The following PHF7 variants were observed in gnomAD, a reference collection of about 807,000 sequenced individuals.
The protein encoded by PHF7 is PHD finger protein 7, also known as E3 ubiquitin-protein ligase PHF7.
In PHF7, 24 loss-of-function variants were observed where a neutral mutation model predicts 47.5. That is an observed-to-expected ratio of 0.51 (90% confidence interval 0.37 to 0.71). The LOEUF (loss-of-function observed/expected upper bound fraction) is 0.71. Ranked by LOEUF, PHF7 falls within the 30% of genes least tolerant of loss-of-function variation. The pLI, the probability that PHF7 is intolerant of heterozygous loss-of-function variation, is 0.00. For missense variants in PHF7, 361 were observed against 456.8 expected, an observed-to-expected ratio of 0.79 and a Z score of 1.91; for synonymous variants, 156 against 153.8, an observed-to-expected ratio of 1.01 and a Z score of -0.11.
Position 52,423,355 on chromosome 3 carries a change from T to C in PHF7, c.*38T>C, listed in dbSNP as rs370441654. On this transcript the variant is annotated 3_prime_UTR_variant, in exon 11 of 11. Transcript: ENST00000327906. ...AGCTGCTGTCCCACACAATAGGGTA[T>C]GAAGCTGCGCTCCTCCATCGGGTTT... 1.5e-6 allele frequency: 2 copies of C among 1,350,680 alleles called. No individual in the cohort carries two copies. The highest frequency in any genetic ancestry group is 1.9e-4 in the Middle Eastern group (1 of 5,396). 83.7% of individuals were successfully genotyped at this position (1,350,680 alleles called of 1,614,324 possible).
At chr3:52,417,224 A>G (rs1406203960) in intron 4 of PHF7, among the ~76,000 whole-genome samples, 1 of 152,204 alleles carries the variant, frequency 6.6e-6, no homozygotes, top group African/African-American at 2.4e-5. Flanking sequence ...AGTATATTGA[A>G]ATTCAGTATT....
At chr3:52,412,778 A>T in intron 1 of PHF7, 33 bp from the exon 2 acceptor site, 2 of 961,088 alleles carry the variant, frequency 2.1e-6, no homozygotes, top group Non-Finnish European at 3.2e-6. Flanking sequence ...ATACAGAATT[A>T]AATTGCTTAC....
At chr3:52,421,820 T>C (rs1251756505) in intron 8 of PHF7, 66 bp downstream of exon 8, 2 of 815,664 alleles carry the variant, frequency 2.5e-6, no homozygotes, top group African/African-American at 3.5e-5. Context: ...AGAGAGGAGG[T>C]GAGTGAGAGG....
In PHF7 at chr3:52,423,633, T is replaced by G. The variant is rs908106440; in HGVS notation, c.*316T>G. The G allele has an allele frequency of 4.0e-6, 1 of 251,874 alleles. No individual in the cohort carries two copies. The highest frequency in any genetic ancestry group is 2.2e-5 in the African/African-American group (1 of 44,964). The allele number at this position is 251,874 out of a possible 1,614,324, so 15.6% of individuals were successfully genotyped here. A position where few individuals can be genotyped will look rare whatever the true frequency, so the allele number is the denominator to read the frequency against. On this transcript the variant is annotated 3_prime_UTR_variant, in exon 11 of 11. Transcript: ENST00000327906. ...GTTTGTTGTTATGCAAATAAAGGTT[T>G]TCTCTCCATTGGTGTCTCCTTATAA...
At chr3:52,413,042 A>G in intron 2 of PHF7, 122 bp downstream of exon 2, 1 of 752,928 alleles carries the variant, frequency 1.3e-6, no homozygotes, top group Non-Finnish European at 2.3e-6. Context: ...GGAAGCACAC[A>G]CGGAGCTGGG....
Position 52,423,329 on chromosome 3 carries a change from T to C in PHF7, c.*12T>C. 2.6e-6 allele frequency: 4 copies of C among 1,550,790 alleles called. No individual in the cohort carries two copies. In the East Asian group the frequency reaches 6.7e-5, roughly 26 times the overall value. ...AAAAATCCAAGTAACACCTTCTGAG[T>C]AGCTGCTGTCCCACACAATAGGGTA... On this transcript the variant is annotated 3_prime_UTR_variant, in exon 11 of 11. Transcript: ENST00000327906.
chr3:52,414,570 G>A lies in PHF7; in HGVS notation c.169G>A (p.Val57Met), dbSNP rs370842503. 6.8e-6 allele frequency: 11 copies of A among 1,609,458 alleles called. No individual in the cohort carries two copies. The highest frequency in any genetic ancestry group is 2.2e-5 in the East Asian group (1 of 44,740). ...GEFLQKDNIS[V>M]HYFCLILSSK... Reference sequence around the variant, plus strand: ...ATTTCTTCAGAAAGACAATATCAGCGTGCATTATTTCTGTCTTGTGAGTAT... The same window carrying A: ...ATTTCTTCAGAAAGACAATATCAGCATGCATTATTTCTGTCTTGTGAGTAT... Residue 57 changes from valine (V) to methionine (M), a missense_variant, in exon 4 of 11, where the codon GTG becomes ATG. Physicochemically the swap from Val to Met is conservative, Grantham distance 21. Transcript: ENST00000327906.
At chr3:52,419,025 G>A (rs900734242) in intron 4 of PHF7, among the ~76,000 whole-genome samples, 4 of 151,960 alleles carry the variant, frequency 2.6e-5, no homozygotes, top group Admixed American at 6.6e-5. Context: ...GGCTGGTCTC[G>A]AACTCCTGAC....
chr3:52,422,654 C>T, intron 9 of PHF7, 106 bp from the exon 10 acceptor site: 1 of 1,196,226 alleles, frequency 8.4e-7, no homozygotes, highest in Non-Finnish European at 1.2e-6. Flanking sequence ...ATACATTCAT[C>T]TTGGGTAAAA....
At chr3:52,421,830 G>A (rs137945094) in intron 8 of PHF7, 76 bp downstream of exon 8, 1 of 775,678 alleles carries the variant, frequency 1.3e-6, no homozygotes, top group African/African-American at 1.7e-5. Flanking sequence ...TGAGTGAGAG[G>A]ATAGTTCAGA....
chr3:52,417,123 A>G (rs1388592877), intron 4 of PHF7, among the ~76,000 whole-genome samples: 2 of 152,232 alleles, frequency 1.3e-5, no homozygotes, highest in Non-Finnish European at 2.9e-5. Flanking sequence ...AATTGACCAT[A>G]TATCTGTGGA....
At chr3:52,422,072 C>T (rs925842173) in intron 8 of PHF7, 150 bp from the exon 9 acceptor site, 4 of 696,644 alleles carry the variant, frequency 5.7e-6, no homozygotes, top group South Asian at 4.8e-5. Flanking sequence ...CTCCCACTGC[C>T]AGGCCACTTG....
intron 1 of PHF7, 122 bp from the exon 2 acceptor site, chr3:52,412,689 A>G: frequency 1.7e-6 from 1 of 604,772 alleles, no homozygotes; most frequent in South Asian, 2.0e-5. Context: ...AAGTACCTAG[A>G]ACAGTCCCTT....
intron 9 of PHF7, 170 bp downstream of exon 9, chr3:52,422,508 A>T: frequency 1.5e-6 from 1 of 651,640 alleles, no homozygotes; most frequent in South Asian, 1.8e-5. Flanking sequence ...GCACGTGAAC[A>T]CGTCTCCCCT....
At chr3:52,416,445 A>G (rs1369298956) in intron 4 of PHF7, among the ~76,000 whole-genome samples, 1 of 150,484 alleles carries the variant, frequency 6.6e-6, no homozygotes, top group Non-Finnish European at 1.5e-5. Context: ...CGGCCTCCCA[A>G]AGTGCTGGGA....
Position 52,423,458 on chromosome 3 carries a change from T to C in PHF7, c.*141T>C, listed in dbSNP as rs113466954. The C allele has an allele frequency of 3.2e-6, 2 of 616,690 alleles. No homozygotes were observed. The highest frequency in any genetic ancestry group is 3.7e-5 in the African/African-American group (2 of 53,998). The allele number at this position is 616,690 out of a possible 1,614,324, so 38.2% of individuals were successfully genotyped here. ...ACTATGAGCCAAGCAAAGAGAAGTC[T>C]CAGTGGAGCATGAGGAGGGAGCAGT... On this transcript the variant is annotated 3_prime_UTR_variant, in exon 11 of 11. Coordinates refer to ENST00000327906, the MANE Select transcript of PHF7 (RefSeq NM_016483.7).
intron 4 of PHF7, among the ~76,000 whole-genome samples, chr3:52,415,847 C>G (rs1337710006): frequency 2.6e-5 from 4 of 152,232 alleles, no homozygotes; most frequent in Non-Finnish European, 5.9e-5. Context: ...TTTAAGCATT[C>G]ATGTACAAGT....
chr3:52,419,964 G>A, intron 5 of PHF7, 30 bp downstream of exon 5: 1 of 1,309,200 alleles, frequency 7.6e-7, no homozygotes, highest in Non-Finnish European at 1.1e-6. Context: ...AGGACCTTGG[G>A]GTAGGCCTCT....
chr3:52,412,553 T>A (rs1406591481), intron 1 of PHF7, among the ~76,000 whole-genome samples: 1 of 152,234 alleles, frequency 6.6e-6, no homozygotes, highest in African/African-American at 2.4e-5. Flanking sequence ...AGATCCCATC[T>A]ATATCACTTA....
Sources: allele counts gnomAD v4.1 joint callset (sites outside exome capture counted in the v4.1 genomes callset), GRCh38; gene constraint gnomAD v4.1.1; transcripts MANE v1.5; gene names NCBI Gene and HGNC (gene_info 2026-07-23, HGNC 2026-07-21).